The following TMEM51 variants were observed in gnomAD, a reference collection of about 807,000 sequenced individuals.
TMEM51 encodes chromosome 1 open reading frame 72.
TMEM51 carries 8 observed loss-of-function variants against 13.6 expected under a neutral mutation model. The observed-to-expected ratio is 0.59, with a 90% CI of 0.35 to 1.07. TMEM51 has a LOEUF of 1.07. TMEM51 is among the 50% of genes least tolerant of loss of function. TMEM51 has a pLI of 0.02. For synonymous variants in TMEM51, 147 were observed against 144.4 expected (o/e 1.02, Z -0.13); for missense variants, 279 against 330.7 (o/e 0.84, Z 1.21).
At chr1:15,204,098 T>A (rs1644206816) in intron 1 of TMEM51, among the ~76,000 whole-genome samples, 1 of 152,232 alleles carries the variant, frequency 6.6e-6, no homozygotes, top group Non-Finnish European at 1.5e-5. Flanking sequence ...GAACTGCCTG[T>A]CACACAAGGA....
chr1:15,168,541 T>G (rs1337547834), intron 1 of TMEM51: 1 of 1,304,892 alleles, frequency 7.7e-7, no homozygotes, highest in Admixed American at 2.3e-5. Context: ...AACCACTGAT[T>G]TAACAGCATA....
intron 1 of TMEM51, among the ~76,000 whole-genome samples, chr1:15,185,516 C>T (rs1409183475): frequency 1.3e-5 from 2 of 152,216 alleles, no homozygotes; most frequent in Non-Finnish European, 2.9e-5. Context: ...TAAGTAGTCT[C>T]TTCTTCATTT....
intron 1 of TMEM51, among the ~76,000 whole-genome samples, chr1:15,167,010 T>A (rs1643027159): frequency 6.6e-6 from 1 of 151,838 alleles, no homozygotes; most frequent in Non-Finnish European, 1.5e-5. Flanking sequence ...GCCTTTGGAG[T>A]CTGGCTGCTT....
chr1:15,155,177 AAG>A (rs974803356), intron 1 of TMEM51, among the ~76,000 whole-genome samples: 8 of 152,330 alleles, frequency 5.3e-5, no homozygotes, highest in Non-Finnish European at 1.2e-4. Context: ...AGGCCAAAGA[AAG>A]AGAGAGGAGG....
Position 15,209,235 on chromosome 1 carries a change from C to CATTATT in TMEM51, c.-266-1232_-266-1227dup, listed in dbSNP as rs57675605. 4.3e-3 allele frequency among the ~76,000 whole-genome samples: 643 copies of CATTATT among 148,060 alleles called. 6 individuals are homozygous for CATTATT. The highest frequency in any genetic ancestry group is 0.032 in the Middle Eastern group (9 of 284). The stretch of plus-strand genomic sequence containing the variant: ...ACAGGTGTGAGCCACACACTGGGCT[C>CATTATT]ATTATTATTATTATTATTATTATTA... On this transcript the variant is annotated intron_variant, in intron 1 of 3. Coordinates refer to ENST00000376008, the MANE Select transcript of TMEM51 (RefSeq NM_001136218.2).
intron 1 of TMEM51, among the ~76,000 whole-genome samples, chr1:15,179,594 G>A (rs992371413): frequency 1.3e-5 from 2 of 152,038 alleles, no homozygotes; most frequent in Non-Finnish European, 2.9e-5. Context: ...ACCAGCCTGG[G>A]CAACATGGCA....
intron 1 of TMEM51, among the ~76,000 whole-genome samples, chr1:15,204,905 G>T (rs547570485): frequency 2.6e-5 from 4 of 152,154 alleles, no homozygotes; most frequent in African/African-American, 4.8e-5. Flanking sequence ...TCGGGGGGCT[G>T]CTGCTGTTGT....
chr1:15,156,720 A>G (rs1452308440), intron 1 of TMEM51, among the ~76,000 whole-genome samples: 1 of 152,212 alleles, frequency 6.6e-6, no homozygotes, highest in South Asian at 2.1e-4. Context: ...CATCAGAGAC[A>G]TCATTCTCAT....
Position 15,190,856 on chromosome 1 carries a change from C to G in TMEM51, c.-266-19634C>G, listed in dbSNP as rs2092504. ...AAGCTGGAGTGCAGTGGCCCTATTT[C>G]GGTTCACTGCGACCTCCACCTCCCG... On this transcript the variant is annotated intron_variant, in intron 1 of 3. Coordinates refer to ENST00000376008, the MANE Select transcript of TMEM51 (RefSeq NM_001136218.2). Among the ~76,000 whole-genome samples, 3 of 151,990 alleles carry G rather than the reference C, an allele frequency of 2.0e-5. No individual in the cohort carries two copies. In the East Asian group the frequency reaches 5.8e-4, roughly 29 times the overall value.
chr1:15,199,281 C>T (rs1372195627), intron 1 of TMEM51, among the ~76,000 whole-genome samples: 2 of 152,046 alleles, frequency 1.3e-5, no homozygotes, highest in African/African-American at 2.4e-5. Flanking sequence ...TACAGGCGCA[C>T]GCCACCATGC....
At position 15,192,455 on chromosome 1, in the gene TMEM51, C is replaced by CCTTTTT. The variant is rs3078876; in HGVS notation, c.-266-18035_-266-18034insCTTTTT. 9.0e-3 allele frequency: 1,521 copies of CCTTTTT among 169,822 alleles called. 46 individuals are homozygous for CCTTTTT. The highest frequency in any genetic ancestry group is 0.021 in the South Asian group (267 of 12,716). The allele number at this position is 169,822 out of a possible 1,614,324, so 10.5% of individuals were successfully genotyped here. On this transcript the variant is annotated intron_variant, in intron 1 of 3. Transcript: ENST00000376008. ...TTTTCTTTCTTTCTTTCTTTCTTTT[C>CCTTTTT]TTTTCCTTTTTTTTTATGACAGAAT...
intron 1 of TMEM51, among the ~76,000 whole-genome samples, chr1:15,185,297 G>T (rs1426079875): frequency 2.0e-5 from 3 of 152,174 alleles, no homozygotes; most frequent in Non-Finnish European, 4.4e-5. Flanking sequence ...TATCAGTTGT[G>T]ATATTTTTTC....
chr1:15,174,537 C>G (rs2100210869), intron 1 of TMEM51, among the ~76,000 whole-genome samples: 1 of 152,312 alleles, frequency 6.6e-6, no homozygotes, highest in East Asian at 1.9e-4. Flanking sequence ...GTCACCACAC[C>G]CAACCCCCTC....
chr1:15,206,223 C>T (rs1459607341), intron 1 of TMEM51, among the ~76,000 whole-genome samples: 7 of 77,014 alleles, frequency 9.1e-5, no homozygotes, highest in Non-Finnish European at 1.2e-4. Context: ...AGAGTGAGAC[C>T]CTGTCAAAAA....
intron 1 of TMEM51, among the ~76,000 whole-genome samples, chr1:15,182,129 C>T (rs889680660): frequency 1.3e-4 from 19 of 151,706 alleles, no homozygotes; most frequent in African/African-American, 4.6e-4. Context: ...CCATTGCACT[C>T]CAACCTGGGC....
chr1:15,197,215 A>T (rs1644067400), intron 1 of TMEM51, among the ~76,000 whole-genome samples: 1 of 152,192 alleles, frequency 6.6e-6, no homozygotes, highest in South Asian at 2.1e-4. Flanking sequence ...ACTGTGCCCC[A>T]GAGTGTGGGA....
At chr1:15,208,744 A>G (rs1203736971) in intron 1 of TMEM51, among the ~76,000 whole-genome samples, 1 of 152,114 alleles carries the variant, frequency 6.6e-6, no homozygotes, top group African/African-American at 2.4e-5. Flanking sequence ...GTTGGTGCCA[A>G]TGAGGAGCAG....
chr1:15,196,896 C>T (rs977526643), intron 1 of TMEM51, among the ~76,000 whole-genome samples: 3 of 152,154 alleles, frequency 2.0e-5, no homozygotes, highest in Non-Finnish European at 4.4e-5. Context: ...CTAGTTTTGG[C>T]ATTCTAGGAC....
At chr1:15,206,641 G>A (rs868867559) in intron 1 of TMEM51, among the ~76,000 whole-genome samples, 14 of 152,186 alleles carry the variant, frequency 9.2e-5, no homozygotes, top group East Asian at 1.9e-4. Flanking sequence ...CGTGAGGATC[G>A]GGTGAGTTTA....
Sources: gnomAD v4.1 joint callset for allele counts (sites outside exome capture counted in the v4.1 genomes callset) on GRCh38, gnomAD v4.1.1 for gene constraint, MANE v1.5 for transcripts, NCBI Gene and HGNC (gene_info 2026-07-23, HGNC 2026-07-21) for gene names.